The following SEL1L3 variants were observed in gnomAD, a reference collection of about 807,000 sequenced individuals.
The protein encoded by SEL1L3 is SEL1L family member 3.
A neutral mutation model predicts 142.8 loss-of-function variants in SEL1L3; 76 were observed. The ratio of observed to expected loss-of-function variants is 0.53; its 90% CI spans 0.44 to 0.64. The LOEUF is 0.64. Ranked by LOEUF, SEL1L3 falls within the 30% of genes least tolerant of loss-of-function variation. SEL1L3 has a pLI of 0.00. For synonymous variants in SEL1L3, 504 were observed against 519.6 expected (o/e 0.97, Z 0.41); for missense variants, 1,262 against 1,381.7 (o/e 0.91, Z 1.37).
chr4:25,847,352 G>T lies in SEL1L3; in HGVS notation c.675C>A (p.Asn225Lys), dbSNP rs1716589422. 3.7e-6 allele frequency: 6 copies of T among 1,613,860 alleles called. No individual in the cohort carries two copies. The highest frequency in any genetic ancestry group is 5.1e-6 in the Non-Finnish European group (6 of 1,179,904). The change falls in exon 2 of 24, where the codon AAC (asparagine) becomes AAA (lysine). Residue 225 changes from asparagine (N) to lysine (K), a missense_variant. By Grantham distance (94) the Asn-to-Lys change is moderately conservative. Coordinates refer to ENST00000399878, the MANE Select transcript of SEL1L3 (RefSeq NM_015187.5). ...CCCGAAGGTTCCAAATATAACCCATGTTCCACTCAAGGCACACTTGATGAT... is the reference window on the plus strand; with the variant it reads ...CCCGAAGGTTCCAAATATAACCCATTTTCCACTCAAGGCACACTTGATGAT... ...FKDHQVCLEW[N>K]MGYIWNLRAN...
intron 9 of SEL1L3, among the ~76,000 whole-genome samples, chr4:25,817,829 G>A (rs985280462): frequency 3.9e-5 from 6 of 151,996 alleles, no homozygotes; most frequent in Non-Finnish European, 7.4e-5. Flanking sequence ...TATACAACAA[G>A]GTATTTTCCA....
At chr4:25,734,907 T>G in the SEL1L3 span, among the ~76,000 whole-genome samples, 4 of 152,288 alleles carry the variant, frequency 2.6e-5, no homozygotes, top group South Asian at 8.3e-4. Context: ...GATCTGAGTT[T>G]GTTTACTATT....
intron 17 of SEL1L3, 148 bp downstream of exon 17, chr4:25,776,129 A>C (rs1019262737): frequency 2.4e-5 from 11 of 465,166 alleles, no homozygotes; most frequent in African/African-American, 2.2e-4. Context: ...ATCAACAGCC[A>C]ATCAGTCCAT....
chr4:25,835,379 A>G lies in SEL1L3; in HGVS notation c.734-56T>C, dbSNP rs966266633. ...TATATCCAGAAAAACATTCCTTCCC[A>G]AACCACATTCATCCTGAAAGCCTCT... is the stretch of plus-strand genomic sequence containing the variant. On this transcript the variant is annotated intron_variant, in intron 2 of 23. Coordinates refer to ENST00000399878, the MANE Select transcript of SEL1L3 (RefSeq NM_015187.5). 3.1e-6 allele frequency: 5 copies of G among 1,592,408 alleles called. No individual in the cohort carries two copies. The African/African-American group carries it at 4.0e-5, about 13-fold the overall frequency.
chr4:25,739,913 G>A, the SEL1L3 span, among the ~76,000 whole-genome samples: 1 of 151,094 alleles, frequency 6.6e-6, no homozygotes, highest in African/African-American at 2.4e-5. Flanking sequence ...CTCTGATTCA[G>A]TTTCTTTTTT....
rs76393479 is a variant in SEL1L3 at position 25,774,919 on chromosome 4, C to T, written c.2669+1358G>A. ...AAAGACTCTATGAGAAAAACAGTGT[C>T]AGACATCATGGGGGCAGGGGTGGGT... is the stretch of plus-strand genomic sequence containing the variant. On this transcript the variant is annotated intron_variant, in intron 17 of 23. Coordinates refer to ENST00000399878, the MANE Select transcript of SEL1L3 (RefSeq NM_015187.5). 4.3e-3 allele frequency among the ~76,000 whole-genome samples: 648 copies of T among 151,464 alleles called. 5 individuals are homozygous for T. Among genetic ancestry groups the T allele is most frequent in the African/African-American group, 0.015 (611 of 41,386 alleles).
intron 15 of SEL1L3, among the ~76,000 whole-genome samples, chr4:25,781,947 T>C (rs1350129807): frequency 2.0e-5 from 3 of 152,168 alleles, no homozygotes; most frequent in Non-Finnish European, 4.4e-5. Flanking sequence ...CTGCGTCATC[T>C]CCCACTCTTC....
the SEL1L3 span, among the ~76,000 whole-genome samples, chr4:25,714,555 C>CTTTCTTTCTTTCTTTCTTTCTTG: frequency 1.5e-5 from 1 of 65,866 alleles, no homozygotes; most frequent in South Asian, 4.3e-4. Flanking sequence ...TTTCTTTCTT[C>CTTTCTTTCTTTCTTTCTTTCTTG]TTTCTTTCTT....
intron 6 of SEL1L3, among the ~76,000 whole-genome samples, chr4:25,827,062 T>C (rs766063868): frequency 5.9e-5 from 9 of 152,262 alleles, no homozygotes; most frequent in Non-Finnish European, 8.8e-5. Flanking sequence ...TTGATCCTTC[T>C]ATGTTTACAC....
intron 5 of SEL1L3, among the ~76,000 whole-genome samples, chr4:25,830,673 G>C (rs976450536): frequency 1.3e-5 from 2 of 152,024 alleles, no homozygotes; most frequent in African/African-American, 4.8e-5. Flanking sequence ...TCTCATATGG[G>C]CTCTTCTCAT....
At chr4:25,819,726 TA>T (rs1714625412) in intron 8 of SEL1L3, 81 bp downstream of exon 8, 1 of 1,361,488 alleles carries the variant, frequency 7.3e-7, no homozygotes, top group African/African-American at 1.5e-5. Context: ...TGTTTAATTT[TA>T]ATCCTGTTAT....
At chr4:25,805,477 TCA>T (rs1713493631) in intron 9 of SEL1L3, among the ~76,000 whole-genome samples, 1 of 152,312 alleles carries the variant, frequency 6.6e-6, no homozygotes, top group Non-Finnish European at 1.5e-5. Flanking sequence ...AAGCCAGAGT[TCA>T]CAGTCACCCT....
At chr4:25,828,499 G>A (rs1009776396) in intron 6 of SEL1L3, among the ~76,000 whole-genome samples, 4 of 150,742 alleles carry the variant, frequency 2.7e-5, no homozygotes, top group African/African-American at 7.3e-5. Context: ...CAATTCTCGT[G>A]CCTCAGCCTT....
downstream of SEL1L3, among the ~76,000 whole-genome samples, chr4:25,742,746 G>A (rs556080385): frequency 6.6e-6 from 1 of 152,192 alleles, no homozygotes; most frequent in South Asian, 2.1e-4. Context: ...GTTATTGCTG[G>A]TGTAGGAAAA....
Position 25,759,019 on chromosome 4 carries a change from T to G in SEL1L3, c.3005A>C (p.His1002Pro). 2 of 1,613,812 alleles carry G rather than the reference T, an allele frequency of 1.2e-6. No homozygotes were observed. The highest frequency in any genetic ancestry group is 1.7e-6 in the Non-Finnish European group (2 of 1,179,784). The change falls in exon 21 of 24, where the codon CAC becomes CCC. Residue 1002 changes from histidine to proline, a missense_variant. His to Pro is a moderately conservative substitution (Grantham distance 77). Around this residue, in one of 3 missense-constraint regions of SEL1L3, gnomAD observed 435 missense variants for 559.2 expected, o/e 0.78. Transcript: ENST00000399878. ...AATTTCCAAGAAATCCAAGATATGG[T>G]GTGGGATTATCGTACCTTCCTCGAT... The part of the protein sequence containing the change: ...LLIEEGTIIP[H>P]HILDFLEIDS...
At chr4:25,850,939 C>CG (rs1335380495) in intron 1 of SEL1L3, among the ~76,000 whole-genome samples, 2 of 151,984 alleles carry the variant, frequency 1.3e-5, no homozygotes, top group African/African-American at 4.8e-5. Flanking sequence ...CAACCTCTGC[C>CG]GCCCAGGTTC....
At chr4:25,845,780 C>T (rs1359994852) in intron 2 of SEL1L3, among the ~76,000 whole-genome samples, 1 of 152,148 alleles carries the variant, frequency 6.6e-6, no homozygotes, top group Non-Finnish European at 1.5e-5. Context: ...AAATGTCAGG[C>T]ACTTCCTGTG....
At chr4:25,793,447 C>T (rs781060026) in intron 11 of SEL1L3, among the ~76,000 whole-genome samples, 1 of 151,988 alleles carries the variant, frequency 6.6e-6, no homozygotes, top group African/African-American at 2.4e-5. Context: ...CCAAGCCCAG[C>T]TATTTTTTTT....
chr4:25,816,620 A>G (rs1714409341), intron 9 of SEL1L3, among the ~76,000 whole-genome samples: 1 of 152,178 alleles, frequency 6.6e-6, no homozygotes, highest in African/African-American at 2.4e-5. Flanking sequence ...CACTGCCACC[A>G]GAGTGACCTC....
Sources: gnomAD v4.1 joint callset for allele counts (sites outside exome capture counted in the v4.1 genomes callset) on GRCh38, gnomAD v4.1.1 for gene constraint, gnomAD v4.1.1 regional missense constraint, MANE v1.5 for transcripts, NCBI Gene and HGNC (gene_info 2026-07-23, HGNC 2026-07-21) for gene names.